WDR70: variants seen among roughly 807,000 people sequenced by gnomAD.
The protein encoded by WDR70 is WD repeat-containing protein 70.
Under a neutral mutation model 88.6 loss-of-function variants are expected in WDR70, and 53 were observed. The ratio of observed to expected loss-of-function variants is 0.60; its 90% confidence interval spans 0.48 to 0.75. The LOEUF is 0.75. Among genes scored for constraint, WDR70 ranks in the 30% least tolerant of loss-of-function variants. The probability of loss-of-function intolerance (pLI) is 0.00; values close to 1 mark genes in which losing one functional copy is unlikely to be tolerated. For synonymous variants in WDR70, 280 were observed against 270.0 expected (o/e 1.04, Z -0.36); for missense variants, 610 against 823.2 (o/e 0.74, Z 3.17).
intron 13 of WDR70, among the ~76,000 whole-genome samples, chr5:37,716,599 TA>T (rs1413719719): frequency 6.6e-6 from 1 of 152,166 alleles, no homozygotes; most frequent in Non-Finnish European, 1.5e-5. Flanking sequence ...TTGGGAAAGT[TA>T]CCACTCTCTA....
chr5:37,608,076 C>G (rs959209433), intron 10 of WDR70, among the ~76,000 whole-genome samples: 1 of 131,750 alleles, frequency 7.6e-6, no homozygotes, highest in Non-Finnish European at 1.5e-5. Flanking sequence ...GAGTCTTGCT[C>G]TGTCGCCCAG....
intron 5 of WDR70, among the ~76,000 whole-genome samples, chr5:37,401,146 G>A (rs1749178046): frequency 1.4e-5 from 2 of 144,254 alleles, no homozygotes; most frequent in South Asian, 4.4e-4. Context: ...TTACAGGCAT[G>A]TGCCTCTACA....
chr5:37,601,806 AC>A (rs1159379234), intron 9 of WDR70, among the ~76,000 whole-genome samples: 1 of 152,224 alleles, frequency 6.6e-6, no homozygotes, highest in African/African-American at 2.4e-5. Context: ...AACAGCAGAG[AC>A]TTGGAACCAA....
chr5:37,594,404 C>T (rs1246124288), intron 9 of WDR70, among the ~76,000 whole-genome samples: 2 of 152,136 alleles, frequency 1.3e-5, no homozygotes, highest in African/African-American at 4.8e-5. Flanking sequence ...AAAGGGAATC[C>T]TTTCCCCATT....
rs1024178900 is a variant in WDR70, at chr5:37,415,947, T to G, written c.492+19377T>G. The stretch of plus-strand genomic sequence containing the variant: ...GCAGAGACGCTCCTCACTTCCTAGA[T>G]GGGCTGGCGGCCGGGAAGAGGCGCT... On this transcript the variant is annotated intron_variant, in intron 5 of 17. Coordinates refer to ENST00000265107, the MANE Select transcript of WDR70 (RefSeq NM_018034.4). Among the ~76,000 whole-genome samples, 12 of 149,176 alleles carry G rather than the reference T, an allele frequency of 8.0e-5. No individual in the cohort carries two copies. In the East Asian group the frequency reaches 2.4e-3, roughly 30 times the overall value.
At chr5:37,385,877 C>A (rs1051853264) in intron 3 of WDR70, among the ~76,000 whole-genome samples, 3 of 152,078 alleles carry the variant, frequency 2.0e-5, no homozygotes, top group African/African-American at 7.2e-5. Flanking sequence ...GATCTCGACT[C>A]ACTGCAAGCT....
intron 6 of WDR70, 151 bp downstream of exon 6, chr5:37,438,132 T>C: frequency 1.9e-6 from 1 of 534,766 alleles, no homozygotes; most frequent in Non-Finnish European, 3.0e-6. Context: ...ATTACTTTTA[T>C]GTTCAGTCAA....
At chr5:37,399,135 G>T (rs1409549208) in intron 5 of WDR70, among the ~76,000 whole-genome samples, 1 of 152,158 alleles carries the variant, frequency 6.6e-6, no homozygotes, top group East Asian at 1.9e-4. Flanking sequence ...AAAATTAGCC[G>T]GGCATGGTGG....
At chr5:37,655,733 A>G (rs1745534522) in intron 10 of WDR70, among the ~76,000 whole-genome samples, 1 of 151,124 alleles carries the variant, frequency 6.6e-6, no homozygotes, top group South Asian at 2.1e-4. Flanking sequence ...CTATTCAGCT[A>G]TTTATACTTG....
At chr5:37,610,824 A>G (rs562986398) in intron 10 of WDR70, among the ~76,000 whole-genome samples, 1 of 152,290 alleles carries the variant, frequency 6.6e-6, no homozygotes, top group South Asian at 2.1e-4. Flanking sequence ...GAGCAACAGG[A>G]TTAATAGGGA....
chr5:37,585,335 T>C (rs1188611614), intron 9 of WDR70, among the ~76,000 whole-genome samples: 2 of 152,180 alleles, frequency 1.3e-5, no homozygotes, highest in South Asian at 2.1e-4. Flanking sequence ...ATTTTTTATC[T>C]TGATACATGT....
intron 9 of WDR70, among the ~76,000 whole-genome samples, chr5:37,523,721 A>C (rs572953741): frequency 6.6e-6 from 1 of 152,220 alleles, no homozygotes; most frequent in Non-Finnish European, 1.5e-5. Context: ...CAAAGAAGCT[A>C]AAAACCTTGA....
chr5:37,483,731 C>G (rs900112452), intron 8 of WDR70, among the ~76,000 whole-genome samples: 5 of 148,850 alleles, frequency 3.4e-5, no homozygotes, highest in African/African-American at 1.2e-4. Context: ...GAGGAGGTGC[C>G]CCCCACCTCC....
chr5:37,656,570 G>T (rs112429538), intron 10 of WDR70, among the ~76,000 whole-genome samples: 1 of 152,196 alleles, frequency 6.6e-6, no homozygotes, highest in Non-Finnish European at 1.5e-5. Context: ...CAGGTGCTCT[G>T]TCCCAGGGAG....
At chr5:37,401,930 G>T (rs10473045) in intron 5 of WDR70, among the ~76,000 whole-genome samples, 2,031 of 152,148 alleles carry the variant, frequency 0.013, 43 homozygotes, top group African/African-American at 0.046. Flanking sequence ...CTTTGTGTTG[G>T]CAATATTCAA....
In WDR70 at chr5:37,656,344, A is replaced by G. The variant is rs150059351; in HGVS notation, c.1093-41311A>G. On this transcript the variant is annotated intron_variant, in intron 10 of 17. Transcript: ENST00000265107. ...CGTCCTGGGGAGGGGCACTTGCCAG[A>G]TGCCAGCTGGAGCTCTCCTGTATGA... Among the ~76,000 whole-genome samples the G allele has an allele frequency of 3.6e-3, 551 of 152,286 alleles. 1 individual carries two copies. Among genetic ancestry groups the G allele is most frequent in the Middle Eastern group, 0.024 (7 of 294 alleles).
chr5:37,539,864 C>T (rs55789634), intron 9 of WDR70, among the ~76,000 whole-genome samples: 2,333 of 152,276 alleles, frequency 0.015, 53 homozygotes, highest in African/African-American at 0.053. Context: ...GCCCCTTCAC[C>T]AGATTATGTT....
At chr5:37,656,762 T>C (rs1165737807) in intron 10 of WDR70, among the ~76,000 whole-genome samples, 1 of 152,142 alleles carries the variant, frequency 6.6e-6, no homozygotes, top group Non-Finnish European at 1.5e-5. Context: ...GAAAACCGCC[T>C]CCTCAAGCCT....
intron 3 of WDR70, among the ~76,000 whole-genome samples, chr5:37,382,799 G>A (rs1748471869): frequency 6.6e-6 from 1 of 152,106 alleles, no homozygotes; most frequent in African/African-American, 2.4e-5. Flanking sequence ...AATCACGTAA[G>A]GTCAGGAGTT....
Sources: gnomAD v4.1 joint callset for allele counts (sites outside exome capture counted in the v4.1 genomes callset) on GRCh38, gnomAD v4.1.1 for gene constraint, MANE v1.5 for transcripts, NCBI Gene and HGNC (gene_info 2026-07-23, HGNC 2026-07-21) for gene names.